Variants in ADAMTS3 observed in about 807,000 individuals in gnomAD.
The protein encoded by ADAMTS3 is ADAM metallopeptidase with thrombospondin type 1 motif 3, also known as A disintegrin and metalloproteinase with thrombospondin motifs 3.
Under a neutral mutation model 129.0 loss-of-function variants are expected in ADAMTS3, and 73 were observed. The ratio of observed to expected loss-of-function variants is 0.57; its 90% CI spans 0.47 to 0.69. The LOEUF (loss-of-function observed/expected upper bound fraction) is 0.69. Among genes scored for constraint, ADAMTS3 ranks in the 30% least tolerant of loss-of-function variants. The pLI is 0.00. For missense variants in ADAMTS3, 1,457 were observed against 1,514.5 expected (o/e 0.96, Z 0.63); for synonymous variants, 477 against 510.8 (o/e 0.93, Z 0.89).
At chr4:72,481,125 T>G (rs1361695742) in intron 3 of ADAMTS3, among the ~76,000 whole-genome samples, 1 of 152,160 alleles carries the variant, frequency 6.6e-6, no homozygotes, top group Non-Finnish European at 1.5e-5. Flanking sequence ...ATTTCAGTTT[T>G]TCCCAAACTT....
intron 3 of ADAMTS3, among the ~76,000 whole-genome samples, chr4:72,420,358 CT>C (rs1370382225): frequency 6.6e-6 from 1 of 152,158 alleles, no homozygotes; most frequent in Admixed American, 6.5e-5. Flanking sequence ...TTTGCACTGG[CT>C]CTTTCCTCTA....
intron 3 of ADAMTS3, among the ~76,000 whole-genome samples, chr4:72,461,110 C>T (rs1298698854): frequency 6.6e-6 from 1 of 151,620 alleles, no homozygotes; most frequent in Non-Finnish European, 1.5e-5. Flanking sequence ...CAGCTTTGCT[C>T]CCAATACGGG....
intron 21 of ADAMTS3, among the ~76,000 whole-genome samples, chr4:72,286,738 G>C (rs1227339890): frequency 6.6e-6 from 1 of 152,130 alleles, no homozygotes; most frequent in Non-Finnish European, 1.5e-5. Flanking sequence ...AAGGGTTGTG[G>C]TGGATGGGGA....
intron 1 of ADAMTS3, among the ~76,000 whole-genome samples, chr4:72,568,474 GGCTCCCGGAGT>G (rs1327442031): frequency 6.6e-6 from 1 of 152,072 alleles, no homozygotes; most frequent in Non-Finnish European, 1.5e-5. Flanking sequence ...GACAAGACTG[GGCTCCCGGAGT>G]GGGAGTCGTA....
chr4:72,319,412 G>T lies in ADAMTS3; in HGVS notation c.1272C>A (p.Val424=). 5 of 1,613,978 alleles carry T rather than the reference G, an allele frequency of 3.1e-6. No homozygotes were observed. Among genetic ancestry groups the T allele is most frequent in the Non-Finnish European group, 4.2e-6 (5 of 1,179,936 alleles). The change falls in exon 9 of 22, where the codon GTC becomes GTA. Residue 424 remains valine, a synonymous_variant. Transcript: ENST00000286657. ...ATGCTGCTTGTACCAAGGGAGCCAT[G>T]ACACTTCCCATAGCAGTCTCATCAC... ...RCGDETAMGS[V]MAPLVQAAFH...
intron 3 of ADAMTS3, among the ~76,000 whole-genome samples, chr4:72,423,464 A>T (rs1221639134): frequency 6.6e-6 from 1 of 152,094 alleles, no homozygotes; most frequent in East Asian, 1.9e-4. Context: ...TTTCACTGTT[A>T]TTTCCTCAAA....
chr4:72,508,589 C>T (rs1472507445), intron 3 of ADAMTS3, among the ~76,000 whole-genome samples: 1 of 152,062 alleles, frequency 6.6e-6, no homozygotes, highest in African/African-American at 2.4e-5. Context: ...TATCATCTGG[C>T]TGATTCAATC....
At chr4:72,525,020 T>C (rs1014253430) in intron 3 of ADAMTS3, among the ~76,000 whole-genome samples, 5 of 152,206 alleles carry the variant, frequency 3.3e-5, no homozygotes, top group Non-Finnish European at 7.3e-5. Context: ...ACTGATTCCA[T>C]GATTCAACTT....
intron 4 of ADAMTS3, among the ~76,000 whole-genome samples, chr4:72,410,429 G>GCTCA (rs1259159605): frequency 1.3e-5 from 2 of 152,074 alleles, no homozygotes; most frequent in African/African-American, 4.8e-5. Flanking sequence ...GGAGATAAAG[G>GCTCA]CTCACTATTC....
rs1376130775 is a variant in ADAMTS3 at position 72,548,858 on chromosome 4, A to G, written c.124T>C (p.Tyr42His). The change falls in exon 3 of 22, where the codon TAT becomes CAT. Residue 42 changes from tyrosine to histidine, a missense_variant. By Grantham distance (83) the Tyr-to-His change is moderately conservative. Coordinates refer to ENST00000286657, the MANE Select transcript of ADAMTS3 (RefSeq NM_014243.3). ...GTGCTGACTGGAGTCACCAGCTCAT[A>G]CTCTCTATATCTCTTTATTGGTAAA... ...IDLPIKRYRE[Y>H]ELVTPVSTNL... 3 of 1,612,672 alleles carry G rather than the reference A, an allele frequency of 1.9e-6. No homozygotes were observed. Among genetic ancestry groups the G allele is most frequent in the Non-Finnish European group, 2.5e-6 (3 of 1,179,640 alleles).
chr4:72,427,655 AAGAAG>A (rs1184529103), intron 3 of ADAMTS3, among the ~76,000 whole-genome samples: 1 of 152,126 alleles, frequency 6.6e-6, no homozygotes, highest in Non-Finnish European at 1.5e-5. Flanking sequence ...AGAAGAAAAA[AAGAAG>A]AGAAGAAAGG....
chr4:72,330,710 A>C (rs576745436), intron 5 of ADAMTS3: 2 of 152,296 alleles, frequency 1.3e-5, no homozygotes, highest in Non-Finnish European at 2.9e-5. Context: ...GGAAGATTGT[A>C]AGGGTTGATG....
At chr4:72,305,742 TAC>T (rs142357299) in intron 16 of ADAMTS3, among the ~76,000 whole-genome samples, 259 of 149,292 alleles carry the variant, frequency 1.7e-3, no homozygotes, top group African/African-American at 6.4e-3. Flanking sequence ...CACATGTATG[TAC>T]ATATACATAT....
At chr4:72,396,695 TG>T (rs372912370) in intron 4 of ADAMTS3, among the ~76,000 whole-genome samples, 1 of 152,150 alleles carries the variant, frequency 6.6e-6, no homozygotes, top group Admixed American at 6.5e-5. Flanking sequence ...CACATTATGT[TG>T]GGGTATTTAT....
intron 3 of ADAMTS3, among the ~76,000 whole-genome samples, chr4:72,421,607 G>A (rs1013963410): frequency 1.3e-5 from 2 of 152,162 alleles, no homozygotes; most frequent in East Asian, 3.9e-4. Flanking sequence ...TGAAGAAGAC[G>A]CAGAGAATGA....
At chr4:72,563,002 C>T (rs1490344036) in intron 2 of ADAMTS3, among the ~76,000 whole-genome samples, 1 of 152,100 alleles carries the variant, frequency 6.6e-6, no homozygotes, top group Admixed American at 6.6e-5. Context: ...GGAATGGTTC[C>T]TAATGGATTT....
At chr4:72,294,477 AT>A (rs1304744175) in intron 19 of ADAMTS3, among the ~76,000 whole-genome samples, 1 of 152,118 alleles carries the variant, frequency 6.6e-6, no homozygotes, top group African/African-American at 2.4e-5. Flanking sequence ...AATGATAAGT[AT>A]GTGATGTGAT....
chr4:72,397,026 A>C (rs150108833), intron 4 of ADAMTS3, among the ~76,000 whole-genome samples: 249 of 152,182 alleles, frequency 1.6e-3, no homozygotes, highest in African/African-American at 5.5e-3. Context: ...GACACATTTC[A>C]TGCCCTCATC....
intron 3 of ADAMTS3, among the ~76,000 whole-genome samples, chr4:72,495,781 T>G (rs930158197): frequency 3.3e-5 from 5 of 152,138 alleles, no homozygotes; most frequent in Non-Finnish European, 7.4e-5. Context: ...ACAAACAATT[T>G]TGGAAAAGGA....
Sources: gnomAD v4.1 joint callset for allele counts (sites outside exome capture counted in the v4.1 genomes callset) on GRCh38, gnomAD v4.1.1 for gene constraint, MANE v1.5 for transcripts, NCBI Gene and HGNC (gene_info 2026-07-23, HGNC 2026-07-21) for gene names.